Variants in ZBTB5 observed in about 807,000 individuals in gnomAD.
The protein encoded by ZBTB5 is zinc finger and BTB domain-containing protein 5.
In ZBTB5, 15 loss-of-function variants were observed where a neutral mutation model predicts 37.9. The ratio of observed to expected loss-of-function variants is 0.40; its 90% CI spans 0.26 to 0.61. The LOEUF is 0.61. ZBTB5 is among the 20% of genes least tolerant of loss of function. The pLI, the probability that ZBTB5 is intolerant of heterozygous loss-of-function variation, is 0.47. For missense variants in ZBTB5, 708 were observed against 856.8 expected (o/e 0.83, Z 2.17); for synonymous variants, 315 against 312.4 (o/e 1.01, Z -0.09).
intron 1 of ZBTB5, among the ~76,000 whole-genome samples, chr9:37,460,976 G>C (rs1027625398): frequency 2.6e-5 from 4 of 152,116 alleles, no homozygotes; most frequent in African/African-American, 9.7e-5. Flanking sequence ...CTTTCCAACA[G>C]AGAAGATGAA....
intron 1 of ZBTB5, among the ~76,000 whole-genome samples, chr9:37,454,071 C>T (rs1033196387): frequency 2.0e-5 from 3 of 152,198 alleles, no homozygotes; most frequent in Admixed American, 2.0e-4. Context: ...CTCTGCCACA[C>T]AGTCAAACAT....
intron 1 of ZBTB5, among the ~76,000 whole-genome samples, chr9:37,453,645 AG>A (rs1465342508): frequency 6.6e-6 from 1 of 152,182 alleles, no homozygotes; most frequent in Non-Finnish European, 1.5e-5. Context: ...GAGTCCATGT[AG>A]TACAGATCGA....
At position 37,441,660 on chromosome 9, in the gene ZBTB5, T is replaced by C; in HGVS notation, c.892A>G (p.Ser298Gly). The C allele has an allele frequency of 6.2e-7, 1 of 1,613,830 alleles. No homozygotes were observed. The highest frequency in any genetic ancestry group is 1.3e-5 in the African/African-American group (1 of 74,936). Reference protein sequence around the residue: ...MASRATQVETSFDQEAAPEKS... With the variant: ...MASRATQVETGFDQEAAPEKS... ...TCAGGTGCAGCTTCCTGATCAAAAC[T>C]AGTCTCAACCTGAGTTGCACGAGAG... Residue 298 changes from serine (S) to glycine (G), a missense_variant, in exon 2 of 2, where the codon AGT becomes GGT. By Grantham distance (56) the Ser-to-Gly change is moderately conservative (BLOSUM62 0). Coordinates refer to ENST00000307750, the MANE Select transcript of ZBTB5 (RefSeq NM_014872.3).
rs1324466663 is a variant in ZBTB5 at position 37,442,338 on chromosome 9, C to A, written c.214G>T (p.Val72Leu). The A allele has an allele frequency of 1.2e-6, 2 of 1,614,192 alleles. No homozygotes were observed. Among genetic ancestry groups the A allele is most frequent in the Non-Finnish European group, 1.7e-6 (2 of 1,180,022 alleles). The change falls in exon 2 of 2, where the codon GTG becomes TTG. Residue 72 changes from valine (V) to leucine (L), a missense_variant. Around this residue, in one of 3 missense-constraint regions of ZBTB5, gnomAD observed 639 missense variants for 690.5 expected, o/e 0.93. Coordinates refer to ENST00000307750, the MANE Select transcript of ZBTB5 (RefSeq NM_014872.3). ...MNMIQLDSEVVTAEAFAALID... is the reference protein window; with the variant it reads ...MNMIQLDSEVLTAEAFAALID... ...AGTGCAGCAAAGGCCTCTGCTGTCA[C>A]CACCTCGCTATCCAGCTGGATCATG...
chr9:37,459,903 G>A (rs577480981), intron 1 of ZBTB5, among the ~76,000 whole-genome samples: 6 of 150,742 alleles, frequency 4.0e-5, no homozygotes, highest in African/African-American at 1.5e-4. Context: ...GTAGAGACGG[G>A]GTTTCACCTT....
At chr9:37,451,789 G>A (rs185711425) in intron 1 of ZBTB5, among the ~76,000 whole-genome samples, 1 of 152,190 alleles carries the variant, frequency 6.6e-6, no homozygotes, top group East Asian at 1.9e-4. Context: ...GTTGGCTTAG[G>A]GATGAAATCT....
At chr9:37,457,434 T>C (rs538186360) in intron 1 of ZBTB5, among the ~76,000 whole-genome samples, 40 of 152,338 alleles carry the variant, frequency 2.6e-4, no homozygotes, top group African/African-American at 9.1e-4. Flanking sequence ...CTCACTATGT[T>C]GCTCTGGCTG....
In ZBTB5 at chr9:37,442,281, G is replaced by C; in HGVS notation, c.271C>G (p.Leu91Val). The C allele has an allele frequency of 6.2e-7, 1 of 1,614,246 alleles. No homozygotes were observed. The highest frequency in any genetic ancestry group is 8.5e-7 in the Non-Finnish European group (1 of 1,180,044). Residue 91 changes from leucine (L) to valine (V), a missense_variant, in exon 2 of 2, where the codon CTG (leucine) becomes GTG (valine). Around this residue, in one of 3 missense-constraint regions of ZBTB5, gnomAD observed 639 missense variants for 690.5 expected, o/e 0.93. Coordinates refer to ENST00000307750, the MANE Select transcript of ZBTB5 (RefSeq NM_014872.3). Reference sequence around the variant, plus strand: ...ACATCCATTACATTGCTCTCCCCCAGCATGAGGGTGGAGGTATACATCATG... The same window carrying C: ...ACATCCATTACATTGCTCTCCCCCACCATGAGGGTGGAGGTATACATCATG... ...IDMMYTSTLM[L>V]GESNVMDVLL...
chr9:37,462,666 C>T lies in ZBTB5; in HGVS notation c.-5+2549G>A, dbSNP rs150599010. Among the ~76,000 whole-genome samples, 5 of 151,732 alleles carry T rather than the reference C, an allele frequency of 3.3e-5. No homozygotes were observed. In the East Asian group the frequency reaches 5.8e-4, roughly 18 times the overall value. ...GCAACTTCTGCCTCCCAGGCTCAAG[C>T]GATTCTTCCGCCTCGGCCTCCTGAG... On this transcript the variant is annotated intron_variant, in intron 1 of 1. Transcript: ENST00000307750.
chr9:37,461,822 A>T (rs769717054), intron 1 of ZBTB5, among the ~76,000 whole-genome samples: 2 of 152,194 alleles, frequency 1.3e-5, no homozygotes, highest in East Asian at 3.8e-4. Flanking sequence ...CAAAAAGTAG[A>T]CCTATCACTT....
At chr9:37,445,970 G>A (rs1052162221) in intron 1 of ZBTB5, among the ~76,000 whole-genome samples, 9 of 152,060 alleles carry the variant, frequency 5.9e-5, no homozygotes, top group Non-Finnish European at 8.8e-5. Context: ...CCATGGTGGC[G>A]AGTGCCTGCC....
rs764535288 is a variant in ZBTB5 at position 37,442,137 on chromosome 9, G to A, written c.415C>T (p.Arg139Cys). ...PSERVQEQSA[R>C]MQRSFMLQQL... ...TGTAGCATAAAGGAGCGCTGCATGCGGGCGCTCTGCTCCTGAACGCGCTCA... is the reference window on the plus strand; with the variant it reads ...TGTAGCATAAAGGAGCGCTGCATGCAGGCGCTCTGCTCCTGAACGCGCTCA... The change falls in exon 2 of 2, where the codon CGC becomes TGC. Residue 139 changes from arginine (R) to cysteine (C), a missense_variant. This residue lies in a region of ZBTB5 where 639 missense variants were observed against 690.5 expected (regional missense o/e 0.93). Coordinates refer to ENST00000307750, the MANE Select transcript of ZBTB5 (RefSeq NM_014872.3). The A allele has an allele frequency of 8.7e-6, 14 of 1,614,166 alleles. No homozygotes were observed. The highest frequency in any genetic ancestry group is 1.7e-5 in the Admixed American group (1 of 60,026).
At position 37,441,543 on chromosome 9, in the gene ZBTB5, G is replaced by A; in HGVS notation, c.1009C>T (p.Pro337Ser). 4 of 1,612,788 alleles carry A rather than the reference G, an allele frequency of 2.5e-6. No homozygotes were observed. The highest frequency in any genetic ancestry group is 3.4e-6 in the Non-Finnish European group (4 of 1,179,844). The change falls in exon 2 of 2, where the codon CCT becomes TCT. Residue 337 changes from proline (P) to serine (S), a missense_variant. Pro to Ser is a moderately conservative substitution (Grantham distance 74, BLOSUM62 -1). Transcript: ENST00000307750. ...TCGCTCACTTCATCCTGAGGCTCAG[G>A]TGAGCTCAGGGGCTCAGATTTAACC... ...VVVKSEPLSS[P>S]EPQDEVSDVT...
chr9:37,460,401 G>A (rs954631559), intron 1 of ZBTB5, among the ~76,000 whole-genome samples: 4 of 151,672 alleles, frequency 2.6e-5, no homozygotes, highest in East Asian at 1.9e-4. Flanking sequence ...GCGCCATTGC[G>A]CTGGATCCAG....
intron 1 of ZBTB5, among the ~76,000 whole-genome samples, chr9:37,455,912 C>T (rs1052968447): frequency 5.9e-5 from 9 of 151,656 alleles, no homozygotes; most frequent in Non-Finnish European, 1.3e-4. Context: ...CTCAAGCAAT[C>T]CTCCTACCAC....
rs1823821473 is a variant in ZBTB5, at chr9:37,439,783, A to G, written c.*735T>C. On this transcript the variant is annotated 3_prime_UTR_variant, in exon 2 of 2. Transcript: ENST00000307750. ...GGTTAAAATACTGCTCAAACAGCAC[A>G]TAGGGAAACAATACCTTGTCACTCT... 1.1e-5 allele frequency: 1 copy of G among 91,322 alleles called. No individual in the cohort carries two copies. The highest frequency in any genetic ancestry group is 2.8e-5 in the Non-Finnish European group (1 of 36,218). The allele number at this position is 91,322 out of a possible 1,614,324, so 5.7% of individuals were successfully genotyped here. A position where few individuals can be genotyped will look rare whatever the true frequency, so the allele number is the denominator to read the frequency against.
At chr9:37,456,536 C>T (rs148834330) in intron 1 of ZBTB5, among the ~76,000 whole-genome samples, 1 of 152,186 alleles carries the variant, frequency 6.6e-6, no homozygotes, top group African/African-American at 2.4e-5. Flanking sequence ...CTGAGGAAGG[C>T]GAGCTGGAAG....
intron 1 of ZBTB5, among the ~76,000 whole-genome samples, chr9:37,456,116 A>C (rs1366169484): frequency 1.3e-5 from 2 of 151,426 alleles, no homozygotes; most frequent in Admixed American, 1.3e-4. Context: ...ATGCCTGGCT[A>C]ATTTTTGTAT....
intron 1 of ZBTB5, among the ~76,000 whole-genome samples, chr9:37,450,491 T>C (rs1349553660): frequency 1.3e-5 from 2 of 152,194 alleles, no homozygotes; most frequent in Admixed American, 1.3e-4. Flanking sequence ...TGAGCAAAAC[T>C]GGCAGAATTA....
Sources: gnomAD v4.1 joint callset for allele counts (sites outside exome capture counted in the v4.1 genomes callset) on GRCh38, gnomAD v4.1.1 for gene constraint, gnomAD v4.1.1 regional missense constraint, MANE v1.5 for transcripts, NCBI Gene and HGNC (gene_info 2026-07-23, HGNC 2026-07-21) for gene names.